Variants in LRRK1 observed in about 807,000 individuals in gnomAD.
LRRK1 encodes the protein leucine rich repeat kinase 1.
In LRRK1, 113 loss-of-function variants were observed where a neutral mutation model predicts 209.1. That is an observed-to-expected ratio of 0.54 (90% confidence interval 0.46 to 0.63). The LOEUF (loss-of-function observed/expected upper bound fraction) is 0.63. LRRK1 is among the 30% of genes least tolerant of loss of function. The pLI is 0.00. For missense variants in LRRK1, 2,284 were observed against 2,632.2 expected, an observed-to-expected ratio of 0.87 and a Z score of 2.89; for synonymous variants, 1,144 against 1,099.7, an observed-to-expected ratio of 1.04 and a Z score of -0.80.
chr15:100,941,234 CTGTG>C (rs201161852), intron 2 of LRRK1, among the ~76,000 whole-genome samples: 3 of 127,570 alleles, frequency 2.4e-5, no homozygotes, highest in African/African-American at 9.2e-5. Flanking sequence ...GTGTGTGTGT[CTGTG>C]TGTGTCTGTC....
intron 1 of LRRK1, among the ~76,000 whole-genome samples, chr15:100,923,997 C>T (rs897689304): frequency 6.6e-6 from 1 of 152,234 alleles, no homozygotes; most frequent in Non-Finnish European, 1.5e-5. Flanking sequence ...AGTAATAATT[C>T]CATGTCTTTG....
At chr15:101,044,022 A>G (rs2034912916) in intron 20 of LRRK1, 1 of 152,138 alleles carries the variant, frequency 6.6e-6, no homozygotes, top group African/African-American at 2.4e-5. Flanking sequence ...TTCTGTACAC[A>G]TCCAGGAATA....
In LRRK1 at chr15:101,045,645, C is replaced by T. The variant is rs886073639; in HGVS notation, c.2964-336C>T. Among the ~76,000 whole-genome samples, 8 of 152,180 alleles carry T rather than the reference C, an allele frequency of 5.3e-5. 1 individual carries two copies. The highest frequency in any genetic ancestry group is 1.9e-4 in the African/African-American group (8 of 41,430). ...AATGTTATTTCCCCAACTGCAACCC[C>T]GTTTATAGAGAATTGAGTCCCATTT... On this transcript the variant is annotated intron_variant, in intron 20 of 33. Coordinates refer to ENST00000388948, the MANE Select transcript of LRRK1 (RefSeq NM_024652.6).
chr15:101,005,527 C>A (rs1008338445), intron 6 of LRRK1, among the ~76,000 whole-genome samples: 10 of 152,178 alleles, frequency 6.6e-5, no homozygotes, highest in African/African-American at 2.4e-4. Context: ...GAGCTGTGTC[C>A]CATCAATGGG....
At chr15:100,964,330 G>A (rs1264249170) in intron 2 of LRRK1, among the ~76,000 whole-genome samples, 6 of 152,228 alleles carry the variant, frequency 3.9e-5, no homozygotes, top group Non-Finnish European at 7.3e-5. Flanking sequence ...ACCCAGAGAT[G>A]TAAACGGCTG....
intron 10 of LRRK1, among the ~76,000 whole-genome samples, chr15:101,012,589 G>GA (rs373437898): frequency 6.6e-5 from 10 of 152,310 alleles, no homozygotes; most frequent in African/African-American, 2.4e-4. Context: ...CCCAGAAGGG[G>GA]CCCCATCAGG....
intron 2 of LRRK1, among the ~76,000 whole-genome samples, chr15:100,938,850 A>T (rs553109541): frequency 2.0e-5 from 3 of 152,060 alleles, no homozygotes; most frequent in Admixed American, 2.0e-4. Flanking sequence ...CTAGGACTTT[A>T]GGAGGCTGAG....
intron 33 of LRRK1, among the ~76,000 whole-genome samples, chr15:101,067,041 C>A (rs1178970928): frequency 1.3e-5 from 2 of 152,216 alleles, no homozygotes; most frequent in Non-Finnish European, 2.9e-5. Context: ...AATCGACATG[C>A]AGATGCATCC....
chr15:100,935,980 T>C (rs572180997), intron 2 of LRRK1, among the ~76,000 whole-genome samples: 2 of 152,194 alleles, frequency 1.3e-5, no homozygotes, highest in Non-Finnish European at 2.9e-5. Flanking sequence ...TCCCAAGGCA[T>C]AGGCCTAGAC....
Position 101,052,910 on chromosome 15 carries a change from C to CGT in LRRK1, c.3690-6_3690-5dup. The CGT allele has an allele frequency of 6.2e-7, 1 of 1,600,168 alleles. No individual in the cohort carries two copies. Among genetic ancestry groups the CGT allele is most frequent in the South Asian group, 1.1e-5 (1 of 90,780 alleles). The stretch of plus-strand genomic sequence containing the variant: ...CGGGGGGGATGTGGCTGATGCCGGG[C>CGT]GTGTGTGGCAGGCTCTTCCTGGAGA... On this transcript the variant is annotated splice_polypyrimidine_tract_variant and intron_variant, in intron 24 of 33. Transcript: ENST00000388948.
intron 2 of LRRK1, among the ~76,000 whole-genome samples, chr15:100,954,867 A>G (rs1458917887): frequency 6.6e-6 from 1 of 152,242 alleles, no homozygotes; most frequent in African/African-American, 2.4e-5. Flanking sequence ...ATTTTAACAC[A>G]TAGACCAATG....
Position 101,055,339 on chromosome 15 carries a change from T to A in LRRK1, c.4332+116T>A, listed in dbSNP as rs538846400. Reference sequence around the variant, plus strand: ...GGGCTCAGCATCCCCAAAAGCACATTTTTCTCACTCTCCCTTGCTCAATGA... The same window carrying A: ...GGGCTCAGCATCCCCAAAAGCACATATTTCTCACTCTCCCTTGCTCAATGA... On this transcript the variant is annotated intron_variant, in intron 27 of 33. Transcript: ENST00000388948. The A allele has an allele frequency of 8.0e-6, 8 of 1,003,960 alleles. No homozygotes were observed. In the East Asian group the frequency reaches 2.1e-4, roughly 26 times the overall value. The allele number at this position is 1,003,960 out of a possible 1,614,324, so 62.2% of individuals were successfully genotyped here. A position where few individuals can be genotyped will look rare whatever the true frequency, so the allele number is the denominator to read the frequency against.
At chr15:101,017,604 C>T (rs1394611259) in intron 12 of LRRK1, among the ~76,000 whole-genome samples, 1 of 152,030 alleles carries the variant, frequency 6.6e-6, no homozygotes, top group Non-Finnish European at 1.5e-5. Context: ...TATTGTGAAC[C>T]GCGTCTGTGA....
intron 6 of LRRK1, among the ~76,000 whole-genome samples, chr15:100,998,096 G>A (rs372755889): frequency 1.2e-4 from 18 of 151,508 alleles, no homozygotes; most frequent in Admixed American, 3.3e-4. Flanking sequence ...CAGGAGAATC[G>A]CTTGAAACTG....
intron 4 of LRRK1, 112 bp downstream of exon 4, chr15:100,983,811 C>A: frequency 9.0e-7 from 1 of 1,110,358 alleles, no homozygotes; most frequent in Non-Finnish European, 1.4e-6. Flanking sequence ...TCAAGAAATA[C>A]AGGGTAGGCC....
chr15:101,024,213 C>T lies in LRRK1; in HGVS notation c.2068-590C>T, dbSNP rs2141713080. On this transcript the variant is annotated intron_variant, in intron 15 of 33. Coordinates refer to ENST00000388948, the MANE Select transcript of LRRK1 (RefSeq NM_024652.6). The surrounding 1 kb of genome is among the most constrained non-coding windows in gnomAD (Gnocchi z 4.6). ...TGTGTCTTGGAGGCTGATGCTGCCT[C>T]ACAGAGATGACTCCTTTCTGTAGAA... is the stretch of plus-strand genomic sequence containing the variant. Among the ~76,000 whole-genome samples the T allele has an allele frequency of 6.6e-6, 1 of 152,346 alleles. No individual in the cohort carries two copies. The highest frequency in any genetic ancestry group is 1.9e-4 in the East Asian group (1 of 5,190).
chr15:100,919,657 C>T lies in LRRK1; in HGVS notation c.-123+206C>T, dbSNP rs1451130586. Among the ~76,000 whole-genome samples the T allele has an allele frequency of 6.6e-6, 1 of 151,234 alleles. No homozygotes were observed. The highest frequency in any genetic ancestry group is 2.4e-5 in the African/African-American group (1 of 41,248). ...CGAGGGGCGCGGAGGGCGTGTGGGG[C>T]GACCCCGGTCTCACGTCCCCGCTGC... On this transcript the variant is annotated intron_variant, in intron 1 of 33. Transcript: ENST00000388948. The surrounding 1 kb of genome is among the most constrained non-coding windows in gnomAD (Gnocchi z 5.8).
chr15:101,049,388 C>A, intron 22 of LRRK1: 2 of 412,748 alleles, frequency 4.8e-6, no homozygotes, highest in South Asian at 4.3e-5. Context: ...TAGGGCCTCA[C>A]CTGAGGGTCA....
At chr15:101,047,160 C>T (rs191582760) in intron 21 of LRRK1, among the ~76,000 whole-genome samples, 1 of 152,312 alleles carries the variant, frequency 6.6e-6, no homozygotes, top group East Asian at 1.9e-4. Flanking sequence ...TTGCTACATC[C>T]TAATTAGAAA....
Sources: gnomAD v4.1 joint callset for allele counts (sites outside exome capture counted in the v4.1 genomes callset) on GRCh38, gnomAD v4.1.1 for gene constraint, Gnocchi (gnomAD v3.1) non-coding constraint, MANE v1.5 for transcripts, NCBI Gene and HGNC (gene_info 2026-07-23, HGNC 2026-07-21) for gene names.